The following TNNI3K variants were observed in gnomAD, a reference collection of about 807,000 sequenced individuals.
TNNI3K encodes the protein serine/threonine-protein kinase TNNI3K.
Under a neutral mutation model 114.5 loss-of-function variants are expected in TNNI3K, and 140 were observed. That is an observed-to-expected ratio of 1.22 (90% CI 1.07 to 1.41). The LOEUF is 1.41. TNNI3K is among the 40% of genes most tolerant of loss of function. The pLI, the probability that TNNI3K is intolerant of heterozygous loss-of-function variation, is 0.00. For synonymous variants in TNNI3K, 347 were observed against 347.5 expected, an observed-to-expected ratio of 1.00 and a Z score of 0.02; for missense variants, 1,125 against 1,007.6, an observed-to-expected ratio of 1.12 and a Z score of -1.58.
chr1:74,248,403 G>T (rs1358383349), intron 2 of TNNI3K, among the ~76,000 whole-genome samples: 1 of 152,204 alleles, frequency 6.6e-6, no homozygotes, highest in African/African-American at 2.4e-5. Context: ...GCCAGAGTTG[G>T]CACCGTGGCC....
chr1:74,451,254 AG>A (rs1666979446), intron 20 of TNNI3K, among the ~76,000 whole-genome samples: 1 of 152,036 alleles, frequency 6.6e-6, no homozygotes, highest in Non-Finnish European at 1.5e-5. Flanking sequence ...TGGGGAAGGC[AG>A]GGGGAGGGAG....
intron 21 of TNNI3K, among the ~76,000 whole-genome samples, chr1:74,466,217 C>A (rs984910290): frequency 6.6e-6 from 1 of 152,140 alleles, no homozygotes; most frequent in Non-Finnish European, 1.5e-5. Flanking sequence ...TTGAAGTCAG[C>A]GAGACCAAGA....
Position 74,380,365 on chromosome 1 carries a change from G to A in TNNI3K, c.1772+9973G>A, listed in dbSNP as rs115311146. On this transcript the variant is annotated intron_variant, in intron 17 of 24. Transcript: ENST00000326637. ...GCAACAGGATTTCTTATTCCAGTGC[G>A]TTCTTGTGGTTGAAGTGGTTCACTC... is the stretch of plus-strand genomic sequence containing the variant. Among the ~76,000 whole-genome samples the A allele has an allele frequency of 4.7e-3, 714 of 152,246 alleles. 2 individuals are homozygous for A. Among genetic ancestry groups the A allele is most frequent in the African/African-American group, 0.016 (669 of 41,556 alleles).
intron 20 of TNNI3K, among the ~76,000 whole-genome samples, chr1:74,460,205 C>T (rs183398232): frequency 2.5e-4 from 38 of 152,072 alleles, no homozygotes; most frequent in Admixed American, 7.9e-4. Context: ...GTAGCTGGGA[C>T]TACAGGCGCC....
chr1:74,241,398 G>A lies in TNNI3K; in HGVS notation c.149+5188G>A, dbSNP rs559554819. Reference sequence around the variant, plus strand: ...TGAACTAGTTTACAGTCCCACCAATGGTGTAAAAGTGTTCCTATTTCTTCA... The same window carrying A: ...TGAACTAGTTTACAGTCCCACCAATAGTGTAAAAGTGTTCCTATTTCTTCA... On this transcript the variant is annotated intron_variant, in intron 2 of 24. Coordinates refer to ENST00000326637, the MANE Select transcript of TNNI3K (RefSeq NM_015978.3). 5.6e-3 allele frequency among the ~76,000 whole-genome samples: 847 copies of A among 152,232 alleles called. 4 individuals carry two copies. Among genetic ancestry groups the A allele is most frequent in the Non-Finnish European group, 8.7e-3 (589 of 67,996 alleles).
At chr1:74,483,457 A>G in intron 21 of TNNI3K, 1 of 625,070 alleles carries the variant, frequency 1.6e-6, no homozygotes, top group Non-Finnish European at 3.0e-6. Context: ...GTCATGAGGC[A>G]TTTTGGTAAT....
chr1:74,412,295 C>T (rs951451153), intron 17 of TNNI3K, among the ~76,000 whole-genome samples: 1 of 152,138 alleles, frequency 6.6e-6, no homozygotes, highest in Non-Finnish European at 1.5e-5. Context: ...AATCATGCCT[C>T]CTGGTTATCA....
chr1:74,543,906 G>C lies in TNNI3K; in HGVS notation c.2432G>C (p.Gly811Ala), dbSNP rs375023664. 6.2e-7 allele frequency: 1 copy of C among 1,613,304 alleles called. No individual in the cohort carries two copies. Among genetic ancestry groups the C allele is most frequent in the African/African-American group, 1.3e-5 (1 of 74,970 alleles). The change falls in exon 25 of 25, where the codon GGC becomes GCC. Residue 811 changes from glycine to alanine, a missense_variant and splice_region_variant. Transcript: ENST00000326637. The stretch of plus-strand genomic sequence containing the variant: ...CAACTGAACTTCTTTTCTGATGCAG[G>C]CTATGTATCCGATCCCATGAGCTCA... ...SLQYTPIDKY[G>A]YVSDPMSSMH...
intron 16 of TNNI3K, 96 bp from the exon 17 acceptor site, chr1:74,370,192 T>C: frequency 9.2e-7 from 1 of 1,081,084 alleles, no homozygotes; most frequent in Non-Finnish European, 1.3e-6. Flanking sequence ...AAAAAATGGT[T>C]AAGATGATAT....
intron 5 of TNNI3K, among the ~76,000 whole-genome samples, chr1:74,290,982 T>C (rs1156437355): frequency 1.3e-5 from 2 of 151,776 alleles, no homozygotes; most frequent in African/African-American, 2.4e-5. Context: ...TGTAAACATA[T>C]GTATTTTAAA....
At chr1:74,464,676 C>T (rs1203480073) in intron 21 of TNNI3K, 2 of 1,597,054 alleles carry the variant, frequency 1.3e-6, no homozygotes, top group Non-Finnish European at 1.7e-6. Context: ...CATCTGTGTA[C>T]ACAGAAACTC....
intron 23 of TNNI3K, among the ~76,000 whole-genome samples, chr1:74,534,011 T>A (rs967053891): frequency 1.3e-5 from 2 of 152,174 alleles, no homozygotes; most frequent in Non-Finnish European, 2.9e-5. Context: ...GAGCCTGACT[T>A]TGCATCCCCA....
intron 23 of TNNI3K, among the ~76,000 whole-genome samples, chr1:74,537,105 A>G (rs1570756366): frequency 6.6e-6 from 1 of 152,180 alleles, no homozygotes; most frequent in Admixed American, 6.5e-5. Flanking sequence ...GTCGTTTGAC[A>G]TGGATTGCAT....
intron 2 of TNNI3K, among the ~76,000 whole-genome samples, chr1:74,238,255 C>T (rs1207378460): frequency 6.6e-6 from 1 of 152,016 alleles, no homozygotes; most frequent in Non-Finnish European, 1.5e-5. Flanking sequence ...GTTTTAAATA[C>T]AGCTTCTTCT....
At chr1:74,258,517 G>C (rs1484427505) in intron 4 of TNNI3K, among the ~76,000 whole-genome samples, 1 of 152,106 alleles carries the variant, frequency 6.6e-6, no homozygotes, top group Non-Finnish European at 1.5e-5. Flanking sequence ...CATATATTTT[G>C]TTCCATTTTG....
At position 74,323,197 on chromosome 1, in the gene TNNI3K, G is replaced by A. The variant is rs138746177; in HGVS notation, c.445-8253G>A. On this transcript the variant is annotated intron_variant, in intron 5 of 24. Coordinates refer to ENST00000326637, the MANE Select transcript of TNNI3K (RefSeq NM_015978.3). The stretch of plus-strand genomic sequence containing the variant: ...CCTTTGAAAAGCTGTCTCCACAATA[G>A]AACTTTCTGCAATGGGAAGGAATTA... Among the ~76,000 whole-genome samples the A allele has an allele frequency of 4.8e-3, 727 of 152,000 alleles. 6 individuals are homozygous for A. Among genetic ancestry groups the A allele is most frequent in the African/African-American group, 0.016 (676 of 41,436 alleles).
At chr1:74,450,566 C>A (rs188522365) in intron 20 of TNNI3K, among the ~76,000 whole-genome samples, 71 of 152,004 alleles carry the variant, frequency 4.7e-4, no homozygotes, top group Middle Eastern at 3.4e-3. Flanking sequence ...TGAAAAAAAA[C>A]CCATTAAAAA....
chr1:74,260,865 C>T (rs1203013098), intron 4 of TNNI3K, among the ~76,000 whole-genome samples: 1 of 151,968 alleles, frequency 6.6e-6, no homozygotes, highest in Non-Finnish European at 1.5e-5. Flanking sequence ...TATATGTGTT[C>T]ATAAATTATA....
intron 5 of TNNI3K, among the ~76,000 whole-genome samples, chr1:74,324,111 C>G (rs1396599073): frequency 1.3e-5 from 2 of 152,234 alleles, no homozygotes; most frequent in African/African-American, 4.8e-5. Flanking sequence ...CCTGCCCTGA[C>G]AGGGCTTCAA....
Sources: gnomAD v4.1 joint callset for allele counts (sites outside exome capture counted in the v4.1 genomes callset) on GRCh38, gnomAD v4.1.1 for gene constraint, MANE v1.5 for transcripts, NCBI Gene and HGNC (gene_info 2026-07-23, HGNC 2026-07-21) for gene names.